The following RBFOX1 variants were observed in gnomAD, a reference collection of about 807,000 sequenced individuals.
RBFOX1 encodes RNA binding protein fox-1 homolog 1.
A neutral mutation model predicts 57.7 loss-of-function variants in RBFOX1; 8 were observed. The ratio of observed to expected loss-of-function variants is 0.14; its 90% confidence interval spans 0.08 to 0.25. RBFOX1 has a LOEUF of 0.25. RBFOX1 is among the 10% of genes least tolerant of loss of function. RBFOX1 has a pLI of 1.00. For synonymous variants in RBFOX1, 326 were observed against 222.4 expected (o/e 1.47, Z -4.15); for missense variants, 611 against 548.5 (o/e 1.11, Z -1.14).
At chr16:6,309,224 G>C (rs186723952) in intron 1 of RBFOX1, among the ~76,000 whole-genome samples, 19 of 152,010 alleles carry the variant, frequency 1.2e-4, no homozygotes, top group Non-Finnish European at 2.5e-4. Flanking sequence ...CTAAAGTTTG[G>C]AGCCAACTAA....
intron 7 of RBFOX1, among the ~76,000 whole-genome samples, chr16:7,588,611 G>A (rs7193328): frequency 6.6e-6 from 1 of 152,106 alleles, no homozygotes; most frequent in Admixed American, 6.6e-5. Flanking sequence ...TTGAGAGATA[G>A]TGATTTCAGC....
intron 3 of RBFOX1, among the ~76,000 whole-genome samples, chr16:7,011,099 C>T (rs2093633136): frequency 6.7e-6 from 1 of 150,034 alleles, no homozygotes; most frequent in Non-Finnish European, 1.5e-5. Context: ...GGGAAAGGGT[C>T]ACTGAAAGAA....
At chr16:5,329,722 G>A (rs547565502) in intron 1 of RBFOX1, among the ~76,000 whole-genome samples, 3 of 152,306 alleles carry the variant, frequency 2.0e-5, no homozygotes, top group African/African-American at 4.8e-5. Flanking sequence ...TATGTGGGCC[G>A]GGCGCGGTGG....
intron 3 of RBFOX1, among the ~76,000 whole-genome samples, chr16:7,007,293 C>T (rs530462512): frequency 6.6e-6 from 1 of 152,266 alleles, no homozygotes; most frequent in South Asian, 2.1e-4. Context: ...AACTCATAGT[C>T]AGCAATGGTA....
intron 3 of RBFOX1, among the ~76,000 whole-genome samples, chr16:6,693,936 G>A (rs2154135513): frequency 6.6e-6 from 1 of 152,328 alleles, no homozygotes; most frequent in Non-Finnish European, 1.5e-5. Context: ...CCCATATGAA[G>A]TAGACACTAT....
At chr16:7,248,539 A>G (rs1469797212) in intron 4 of RBFOX1, among the ~76,000 whole-genome samples, 1 of 152,188 alleles carries the variant, frequency 6.6e-6, no homozygotes. Context: ...CACCCATCAC[A>G]GATGGTTTTA....
At chr16:6,165,016 A>G (rs2096907002) in intron 1 of RBFOX1, among the ~76,000 whole-genome samples, 1 of 152,188 alleles carries the variant, frequency 6.6e-6, no homozygotes, top group Admixed American at 6.5e-5. Flanking sequence ...AATATTATAT[A>G]AAACACTTTT....
Position 6,551,151 on chromosome 16 carries a change from CT to C in RBFOX1, c.-63-103450del, listed in dbSNP as rs199890027. ...TCTGAGATTAACACAAAGCAAAGGG[CT>C]TCCCTGTATGTCTATATAGATCTAG... On this transcript the variant is annotated intron_variant, in intron 2 of 15. Coordinates refer to ENST00000550418, the MANE Select transcript of RBFOX1 (RefSeq NM_018723.4). Among the ~76,000 whole-genome samples the C allele has an allele frequency of 9.7e-3, 1,470 of 152,314 alleles. 18 individuals carry two copies. Among genetic ancestry groups the C allele is most frequent in the Admixed American group, 0.03 (463 of 15,296 alleles).
chr16:7,506,581 C>T (rs1347746160), intron 4 of RBFOX1, among the ~76,000 whole-genome samples: 1 of 133,206 alleles, frequency 7.5e-6, no homozygotes, highest in Non-Finnish European at 1.6e-5. Flanking sequence ...CCATCACCTT[C>T]ATCATCATCA....
intron 3 of RBFOX1, among the ~76,000 whole-genome samples, chr16:6,819,471 A>T (rs926760646): frequency 6.6e-6 from 1 of 152,132 alleles, no homozygotes; most frequent in African/African-American, 2.4e-5. Context: ...AGGGAGGCCC[A>T]GGCGGGCGGA....
chr16:7,126,662 C>G (rs17645641), intron 4 of RBFOX1: 29,200 of 152,466 alleles, frequency 0.19, 2,911 homozygotes, highest in Non-Finnish European at 0.21. Flanking sequence ...GACCGGAGAT[C>G]CTAAGTTGTT....
intron 1 of RBFOX1, among the ~76,000 whole-genome samples, chr16:5,322,246 A>G (rs576292396): frequency 6.6e-6 from 1 of 152,322 alleles, no homozygotes; most frequent in East Asian, 1.9e-4. Flanking sequence ...AGCAATAGAA[A>G]GCTTTTAAGT....
At position 7,711,591 on chromosome 16, in the gene RBFOX1, G is replaced by T. The variant is rs776836560; in HGVS notation, c.*846G>T. On this transcript the variant is annotated 3_prime_UTR_variant, in exon 16 of 16. Transcript: ENST00000550418. Reference sequence around the variant, plus strand: ...AATAAAAAGGTGATAAAAAAGCACTGTTTCTATTTTTTTCTTTTTTTCCAA... The same window carrying T: ...AATAAAAAGGTGATAAAAAAGCACTTTTTCTATTTTTTTCTTTTTTTCCAA... The T allele has an allele frequency of 6.6e-6, 1 of 152,328 alleles. No individual in the cohort carries two copies. Among genetic ancestry groups the T allele is most frequent in the African/African-American group, 2.4e-5 (1 of 41,338 alleles). The allele number at this position is 152,328 out of a possible 1,614,324, so 9.4% of individuals were successfully genotyped here.
intron 4 of RBFOX1, among the ~76,000 whole-genome samples, chr16:7,496,401 C>G (rs988994297): frequency 2.0e-5 from 3 of 152,278 alleles, no homozygotes; most frequent in Admixed American, 2.0e-4. Context: ...CCTTGGCCTC[C>G]CAAAGTGTTG....
intron 1 of RBFOX1, among the ~76,000 whole-genome samples, chr16:6,217,364 A>C (rs2097342548): frequency 6.6e-6 from 1 of 151,624 alleles, no homozygotes; most frequent in African/African-American, 2.4e-5. Flanking sequence ...AGGGAAGCTG[A>C]AAAAAAGGGG....
At chr16:5,908,267 T>TACACACAC (rs1567134074) in intron 4 of RBFOX1, among the ~76,000 whole-genome samples, 10 of 126,310 alleles carry the variant, frequency 7.9e-5, no homozygotes, top group East Asian at 4.6e-4. Context: ...TATATACACA[T>TACACACAC]ATATATACAT....
intron 1 of RBFOX1, among the ~76,000 whole-genome samples, chr16:6,063,742 C>T (rs1049117862): frequency 6.6e-6 from 1 of 152,148 alleles, no homozygotes; most frequent in East Asian, 1.9e-4. Context: ...TGCACATTCC[C>T]TCCTTAGCTG....
At chr16:6,423,139 C>A (rs1469547875) in intron 2 of RBFOX1, among the ~76,000 whole-genome samples, 2 of 152,194 alleles carry the variant, frequency 1.3e-5, no homozygotes, top group African/African-American at 4.8e-5. Context: ...TTTTTCCTCC[C>A]AGGTTGCTGC....
intron 4 of RBFOX1, among the ~76,000 whole-genome samples, chr16:7,074,067 A>T (rs143290355): frequency 6.6e-6 from 1 of 152,114 alleles, no homozygotes; most frequent in Non-Finnish European, 1.5e-5. Context: ...GACAGTTTCA[A>T]CGGAGACCAT....
Sources: gnomAD v4.1 joint callset for allele counts (sites outside exome capture counted in the v4.1 genomes callset) on GRCh38, gnomAD v4.1.1 for gene constraint, MANE v1.5 for transcripts, NCBI Gene and HGNC (gene_info 2026-07-23, HGNC 2026-07-21) for gene names.